CECR2: variants seen among roughly 807,000 people sequenced by gnomAD.
CECR2 encodes the protein chromatin remodeling regulator CECR2.
In CECR2, 30 loss-of-function variants were observed where a neutral mutation model predicts 154.5. That is an observed-to-expected ratio of 0.19 (90% CI 0.15 to 0.26). The LOEUF (loss-of-function observed/expected upper bound fraction) is 0.26. Among genes scored for constraint, CECR2 ranks in the 10% least tolerant of loss-of-function variants. The probability of loss-of-function intolerance (pLI) is 1.00; values close to 1 mark genes in which losing one functional copy is unlikely to be tolerated. For synonymous variants in CECR2, 725 were observed against 683.7 expected, an observed-to-expected ratio of 1.06 and a Z score of -0.94; for missense variants, 1,743 against 1,829.3, an observed-to-expected ratio of 0.95 and a Z score of 0.86.
intron 8 of CECR2, 118 bp from the exon 9 acceptor site, chr22:17,524,000 G>A: frequency 1.3e-6 from 1 of 767,178 alleles, no homozygotes. Context: ...AGCTTTTCGT[G>A]ATATAAAGTC....
At chr22:17,487,624 A>C (rs963469409) in intron 2 of CECR2, among the ~76,000 whole-genome samples, 2 of 152,154 alleles carry the variant, frequency 1.3e-5, no homozygotes, top group Non-Finnish European at 2.9e-5. Context: ...CCCGGGAGGC[A>C]GAGCTTGCAG....
intron 1 of CECR2, among the ~76,000 whole-genome samples, chr22:17,471,401 A>G (rs1372198074): frequency 6.6e-6 from 1 of 152,208 alleles, no homozygotes; most frequent in Non-Finnish European, 1.5e-5. Flanking sequence ...GAAGACACCA[A>G]AGACTTTTGA....
At chr22:17,546,776 C>T (rs973592615) in intron 16 of CECR2, among the ~76,000 whole-genome samples, 10 of 152,010 alleles carry the variant, frequency 6.6e-5, no homozygotes, top group African/African-American at 2.4e-4. Flanking sequence ...CGGTGGCTCA[C>T]ACCTGTAATC....
At chr22:17,370,841 A>G (rs2063051665) in intron 1 of CECR2, among the ~76,000 whole-genome samples, 1 of 152,254 alleles carries the variant, frequency 6.6e-6, no homozygotes, top group South Asian at 2.1e-4. Context: ...AGGAGCTGAG[A>G]ATTAGTCGAT....
chr22:17,388,974 G>A (rs1366907677), intron 1 of CECR2, among the ~76,000 whole-genome samples: 1 of 151,890 alleles, frequency 6.6e-6, no homozygotes, highest in Non-Finnish European at 1.5e-5. Context: ...CACCATGCCC[G>A]GATAACTTTT....
intron 1 of CECR2, among the ~76,000 whole-genome samples, chr22:17,375,357 C>T (rs73391767): frequency 0.1 from 15,321 of 152,018 alleles, 1,093 homozygotes; most frequent in African/African-American, 0.2. Flanking sequence ...TCAGGTGATC[C>T]ACCTGCCTCA....
Position 17,542,701 on chromosome 22 carries a change from C to G in CECR2, c.2558C>G (p.Pro853Arg), listed in dbSNP as rs1272039825. The change falls in exon 16 of 19, where the codon CCA becomes CGA. Residue 853 changes from proline (P) to arginine (R), a missense_variant. Physicochemically the swap from Pro to Arg is moderately radical, Grantham distance 103. Transcript: ENST00000262608. Reference sequence around the variant, plus strand: ...AAGTCTGCCGGACATCGGTTACAGCCACCTCCAGTGCCAGCACCCAGTTCT... The same window carrying G: ...AAGTCTGCCGGACATCGGTTACAGCGACCTCCAGTGCCAGCACCCAGTTCT... ...PCKSAGHRLQ[P>R]PPVPAPSSLF... The G allele has an allele frequency of 6.2e-7, 1 of 1,614,034 alleles. No individual in the cohort carries two copies.
rs2056763971 is a variant in CECR2 at position 17,555,578 on chromosome 22, C to T, written c.*2738C>T. 1 of 152,244 alleles carries T rather than the reference C, an allele frequency of 6.6e-6. No individual in the cohort carries two copies. Among genetic ancestry groups the T allele is most frequent in the African/African-American group, 2.4e-5 (1 of 41,456 alleles). 9.4% of individuals were successfully genotyped at this position (152,244 alleles called of 1,614,324 possible). A position where few individuals can be genotyped will look rare whatever the true frequency, so the allele number is the denominator to read the frequency against. ...TCCCCAAGCAGGATCTTCTTCTCAC[C>T]TTTTCTTCCTCCTCTAGCACTTCTC... On this transcript the variant is annotated 3_prime_UTR_variant, in exon 19 of 19. Coordinates refer to ENST00000262608, the MANE Select transcript of CECR2 (RefSeq NM_001290047.2).
intron 1 of CECR2, among the ~76,000 whole-genome samples, chr22:17,459,978 G>C (rs1008844532): frequency 1.3e-5 from 2 of 151,984 alleles, no homozygotes; most frequent in Non-Finnish European, 2.9e-5. Context: ...TGTTTCTCAG[G>C]GTATTTATTC....
intron 1 of CECR2, among the ~76,000 whole-genome samples, chr22:17,441,441 TA>T (rs1422076564): frequency 1.3e-5 from 2 of 152,204 alleles, no homozygotes; most frequent in African/African-American, 4.8e-5. Flanking sequence ...GTTTAGCAAA[TA>T]ATATTTGTAT....
intron 1 of CECR2, among the ~76,000 whole-genome samples, chr22:17,441,681 C>T (rs1045140146): frequency 2.0e-5 from 3 of 151,698 alleles, no homozygotes; most frequent in Non-Finnish European, 4.4e-5. Flanking sequence ...ATCTAGATGT[C>T]TCAGTCCTGG....
At chr22:17,521,367 C>A (rs1015525843) in intron 8 of CECR2, among the ~76,000 whole-genome samples, 1 of 152,092 alleles carries the variant, frequency 6.6e-6, no homozygotes, top group African/African-American at 2.4e-5. Context: ...AGTGATACCC[C>A]GTCTCTACTA....
chr22:17,556,860 G>A lies in CECR2; in HGVS notation c.*4020G>A, dbSNP rs569754167. On this transcript the variant is annotated 3_prime_UTR_variant, in exon 19 of 19. Coordinates refer to ENST00000262608, the MANE Select transcript of CECR2 (RefSeq NM_001290047.2). ...TGAGCCATGTACTGCCCAATCCGGGGGCTCCTGGGGTGTGGTGTGTCCACC... is the reference window on the plus strand; with the variant it reads ...TGAGCCATGTACTGCCCAATCCGGGAGCTCCTGGGGTGTGGTGTGTCCACC... The A allele has an allele frequency of 6.6e-6, 1 of 152,318 alleles. No individual in the cohort carries two copies. Among genetic ancestry groups the A allele is most frequent in the South Asian group, 2.1e-4 (1 of 4,824 alleles). The allele number at this position is 152,318 out of a possible 1,614,324, so 9.4% of individuals were successfully genotyped here.
At chr22:17,447,979 T>A (rs1263493480) in intron 1 of CECR2, among the ~76,000 whole-genome samples, 1 of 152,202 alleles carries the variant, frequency 6.6e-6, no homozygotes, top group Admixed American at 6.5e-5. Flanking sequence ...TTAGAGCAAT[T>A]TCCATCTTAA....
At chr22:17,381,094 C>T (rs1170873802) in intron 1 of CECR2, among the ~76,000 whole-genome samples, 58 of 4,218 alleles carry the variant, frequency 0.014, no homozygotes, top group Admixed American at 0.085. Context: ...TTGTTGTACA[C>T]GGGGGTGGGC....
At chr22:17,498,184 A>C (rs1371186329) in intron 3 of CECR2, among the ~76,000 whole-genome samples, 1 of 152,118 alleles carries the variant, frequency 6.6e-6, no homozygotes, top group African/African-American at 2.4e-5. Context: ...AAGTCAGGAG[A>C]TCGAGACCAT....
intron 8 of CECR2, 22 bp from the exon 9 acceptor site, chr22:17,524,096 T>C (rs573641509): frequency 1.3e-6 from 2 of 1,555,592 alleles, no homozygotes; most frequent in Non-Finnish European, 1.7e-6. Context: ...ACTGACCGGA[T>C]GTGCTCATTG....
intron 1 of CECR2, among the ~76,000 whole-genome samples, chr22:17,400,621 A>T (rs1405674543): frequency 6.6e-6 from 1 of 152,200 alleles, no homozygotes; most frequent in African/African-American, 2.4e-5. Context: ...GAGCGAAGGG[A>T]AAGACAGAAA....
chr22:17,505,452 G>A (rs1034179070), intron 7 of CECR2, among the ~76,000 whole-genome samples: 1 of 150,220 alleles, frequency 6.7e-6, no homozygotes, highest in African/African-American at 2.5e-5. Flanking sequence ...GCAAGCTATA[G>A]TCTCATAAAC....
Sources: gnomAD v4.1 joint callset for allele counts (sites outside exome capture counted in the v4.1 genomes callset) on GRCh38, gnomAD v4.1.1 for gene constraint, MANE v1.5 for transcripts, NCBI Gene and HGNC (gene_info 2026-07-23, HGNC 2026-07-21) for gene names.